The following EXOC2 variants were observed in gnomAD, a reference collection of about 807,000 sequenced individuals.
EXOC2 encodes exocyst complex component 2, also known as SEC5-like 1.
EXOC2 carries 70 observed loss-of-function variants against 131.8 expected under a neutral mutation model. The ratio of observed to expected loss-of-function variants is 0.53; its 90% CI spans 0.44 to 0.65. The LOEUF (loss-of-function observed/expected upper bound fraction) is 0.65, where lower values mean the gene tolerates loss of function less well. EXOC2 is among the 30% of genes least tolerant of loss of function. The pLI, the probability that EXOC2 is intolerant of heterozygous loss-of-function variation, is 0.00. For missense variants in EXOC2, 923 were observed against 1,108.6 expected, an observed-to-expected ratio of 0.83 and a Z score of 2.38; for synonymous variants, 411 against 398.4, an observed-to-expected ratio of 1.03 and a Z score of -0.38.
intron 23 of EXOC2, among the ~76,000 whole-genome samples, chr6:513,424 G>GCA (rs969485638): frequency 6.6e-6 from 1 of 152,214 alleles, no homozygotes; most frequent in African/African-American, 2.4e-5. Flanking sequence ...GAAAGTCCAA[G>GCA]CACACACACC....
intron 9 of EXOC2, among the ~76,000 whole-genome samples, 197 bp from the exon 10 acceptor site, chr6:598,320 G>A (rs1759934662): frequency 6.6e-6 from 1 of 152,208 alleles, no homozygotes; most frequent in Non-Finnish European, 1.5e-5. Flanking sequence ...CCTCTAACAT[G>A]TGAGGTCTGT....
At position 506,745 on chromosome 6, in the gene EXOC2, A is replaced by G. The variant is rs1270438480; in HGVS notation, c.2381-7045T>C. Among the ~76,000 whole-genome samples, 1 of 152,076 alleles carries G rather than the reference A, an allele frequency of 6.6e-6. No homozygotes were observed. The highest frequency in any genetic ancestry group is 1.5e-5 in the Non-Finnish European group (1 of 68,018). On this transcript the variant is annotated intron_variant, in intron 23 of 27. Transcript: ENST00000230449. This position sits in a 1 kb window ranked among gnomAD's most constrained non-coding sequence, Gnocchi z 4.4. ...CATGGAGAAAACAAGGCTCATCTCT[A>G]CTGAGCAAGAACTTGTAGGCTGTTT...
chr6:604,068 G>A (rs1402264652), intron 7 of EXOC2, among the ~76,000 whole-genome samples: 6 of 152,156 alleles, frequency 3.9e-5, no homozygotes, highest in Admixed American at 2.6e-4. Flanking sequence ...TATGTTGGAG[G>A]CAACTGAGAC....
intron 18 of EXOC2, among the ~76,000 whole-genome samples, chr6:556,236 G>C (rs1423375048): frequency 6.6e-6 from 1 of 152,164 alleles, no homozygotes; most frequent in Non-Finnish European, 1.5e-5. Context: ...TCAAGAGCCA[G>C]GCCCATCAAT....
At chr6:586,303 A>G (rs1268676210) in intron 11 of EXOC2, among the ~76,000 whole-genome samples, 1 of 152,152 alleles carries the variant, frequency 6.6e-6, no homozygotes, top group Non-Finnish European at 1.5e-5. Flanking sequence ...TGTATGTGCC[A>G]TGAGTTCCTT....
At chr6:649,481 T>A (rs1406693689) in intron 1 of EXOC2, among the ~76,000 whole-genome samples, 1 of 152,102 alleles carries the variant, frequency 6.6e-6, no homozygotes, top group Non-Finnish European at 1.5e-5. Context: ...CACACTTACG[T>A]ACTATCCATT....
chr6:529,090 CG>C (rs1429998744), intron 23 of EXOC2, among the ~76,000 whole-genome samples: 1 of 101,880 alleles, frequency 9.8e-6, no homozygotes, highest in East Asian at 2.8e-4. Context: ...CTAAGATCCC[CG>C]TTAGCCCGGC....
At chr6:488,012 A>G (rs1428199061) in intron 27 of EXOC2, among the ~76,000 whole-genome samples, 1 of 152,222 alleles carries the variant, frequency 6.6e-6, no homozygotes, top group Non-Finnish European at 1.5e-5. Flanking sequence ...GAACCAATTC[A>G]AATAGAGGAT....
chr6:553,573 A>T (rs1016241786), intron 21 of EXOC2, among the ~76,000 whole-genome samples: 3 of 152,202 alleles, frequency 2.0e-5, no homozygotes, highest in African/African-American at 7.2e-5. Context: ...GCAACTCTCA[A>T]GCACCAGGAA....
intron 4 of EXOC2, among the ~76,000 whole-genome samples, chr6:621,954 G>A (rs1761314318): frequency 6.6e-6 from 1 of 152,214 alleles, no homozygotes; most frequent in South Asian, 2.1e-4. Flanking sequence ...TAGAGACTGA[G>A]TGGAGGCTTA....
intron 1 of EXOC2, among the ~76,000 whole-genome samples, chr6:644,245 G>A (rs768169511): frequency 2.3e-4 from 35 of 152,042 alleles, no homozygotes; most frequent in South Asian, 4.1e-4. Context: ...AGGAAAAACC[G>A]TATGTTACCC....
At position 572,634 on chromosome 6, in the gene EXOC2, G is replaced by A; in HGVS notation, c.1329C>T (p.Tyr443=). 1 of 1,613,542 alleles carries A rather than the reference G, an allele frequency of 6.2e-7. No individual in the cohort carries two copies. ...CAAAGGCCACCCTGTGGGGAGTTTT[G>A]TATCTCCACGCTAAGGGGGAAAAGA... The part of the protein sequence containing the change: ...FQSGRDDTWR[Y]KTPHRVAFVE... Residue 443 remains tyrosine, a synonymous_variant, in exon 13 of 28, where the codon TAC becomes TAT. Transcript: ENST00000230449.
chr6:675,620 G>A (rs4357178), intron 1 of EXOC2, among the ~76,000 whole-genome samples: 687 of 27,312 alleles, frequency 0.025, 11 homozygotes, highest in African/African-American at 0.051. Flanking sequence ...ATACTCTTCA[G>A]CATTACAGAA....
At chr6:489,093 C>T in intron 26 of EXOC2, 55 bp from the exon 27 acceptor site, 1 of 1,550,622 alleles carries the variant, frequency 6.4e-7, no homozygotes. Context: ...GAACTGCTGA[C>T]AAATTCTTAA....
chr6:556,365 A>G, intron 18 of EXOC2, 119 bp downstream of exon 18: 1 of 1,051,032 alleles, frequency 9.5e-7, no homozygotes, highest in East Asian at 2.6e-5. Flanking sequence ...GTTAAACTAA[A>G]TGGAACAAGC....
At chr6:559,914 T>C (rs907924621) in intron 17 of EXOC2, among the ~76,000 whole-genome samples, 6 of 152,140 alleles carry the variant, frequency 3.9e-5, no homozygotes. Context: ...AAACTGAACA[T>C]ATAATTTTTT....
chr6:492,653 T>A (rs1309731201), intron 25 of EXOC2, among the ~76,000 whole-genome samples: 1 of 152,036 alleles, frequency 6.6e-6, no homozygotes, highest in Non-Finnish European at 1.5e-5. Context: ...TCACAAAGGG[T>A]CATATTTTCA....
intron 5 of EXOC2, among the ~76,000 whole-genome samples, chr6:619,069 T>A (rs535471910): frequency 1.8e-4 from 28 of 152,346 alleles, no homozygotes; most frequent in Admixed American, 1.2e-3. Context: ...GTGTGTTCCA[T>A]GTTTTACCCC....
intron 1 of EXOC2, among the ~76,000 whole-genome samples, chr6:649,895 C>A (rs1183049394): frequency 6.6e-6 from 1 of 152,154 alleles, no homozygotes; most frequent in African/African-American, 2.4e-5. Flanking sequence ...TGTTTTCTTG[C>A]TTCTCAGTAG....
Sources: gnomAD v4.1 joint callset for allele counts (sites outside exome capture counted in the v4.1 genomes callset) on GRCh38, gnomAD v4.1.1 for gene constraint, Gnocchi (gnomAD v3.1) non-coding constraint, MANE v1.5 for transcripts, NCBI Gene and HGNC (gene_info 2026-07-23, HGNC 2026-07-21) for gene names.